The following TMSB15B variants were observed in gnomAD, a reference collection of about 807,000 sequenced individuals.
The protein encoded by TMSB15B is thymosin beta 15B.
intron 1 of TMSB15B, among the ~76,000 whole-genome samples, chrX:103,953,704 A>T (rs1345281525): frequency 8.9e-6 from 1 of 111,818 alleles, no homozygotes; most frequent in African/African-American, 3.3e-5. Flanking sequence ...GTGGGTCCTG[A>T]TCCTATTCTT....
At chrX:103,924,641 G>A (rs2074963097) in intron 1 of TMSB15B, among the ~76,000 whole-genome samples, 1 of 111,713 alleles carries the variant, frequency 9.0e-6, no homozygotes. Flanking sequence ...TTTAGTGGAT[G>A]ATCAATACAT....
At chrX:103,929,026 A>G in intron 1 of TMSB15B, 1 of 1,146,907 alleles carries the variant, frequency 8.7e-7, no homozygotes, top group Admixed American at 2.5e-5. Flanking sequence ...CTAGCTGCAG[A>G]AAGTGTGGCC....
At chrX:103,941,531 T>C (rs2075012822) in intron 1 of TMSB15B, among the ~76,000 whole-genome samples, 1 of 111,956 alleles carries the variant, frequency 8.9e-6, no homozygotes, top group Non-Finnish European at 1.9e-5. Context: ...TTTTTTTGTC[T>C]TTTTGATAAT....
intron 1 of TMSB15B, among the ~76,000 whole-genome samples, chrX:103,951,143 A>G (rs782755155): frequency 8.9e-6 from 1 of 111,858 alleles, no homozygotes; most frequent in East Asian, 2.8e-4. Context: ...TAAAGGCACC[A>G]GTAGTATTGG....
At chrX:103,939,560 C>A (rs1479249176) in intron 1 of TMSB15B, among the ~76,000 whole-genome samples, 6 of 110,747 alleles carry the variant, frequency 5.4e-5, no homozygotes, top group Admixed American at 4.9e-4. Flanking sequence ...ATTCCTCAAC[C>A]TTTTATCAAG....
intron 1 of TMSB15B, among the ~76,000 whole-genome samples, chrX:103,950,631 T>A (rs1430004327): frequency 1.4e-4 from 15 of 109,817 alleles, no homozygotes; most frequent in East Asian, 5.6e-4. Context: ...TATATATATA[T>A]AAAACAATTT....
chrX:103,947,214 C>T (rs1222601186), intron 1 of TMSB15B, among the ~76,000 whole-genome samples: 4 of 111,507 alleles, frequency 3.6e-5, no homozygotes, highest in Non-Finnish European at 5.6e-5. Flanking sequence ...TACAAATTCA[C>T]GACAACATGG....
At chrX:103,927,307 C>T (rs1369301704) in intron 1 of TMSB15B, among the ~76,000 whole-genome samples, 1 of 112,231 alleles carries the variant, frequency 8.9e-6, no homozygotes, top group African/African-American at 3.2e-5. Flanking sequence ...CTCTGAATAT[C>T]CTCCAATGCA....
intron 1 of TMSB15B, among the ~76,000 whole-genome samples, chrX:103,949,032 A>AT (rs1430637683): frequency 9.0e-6 from 1 of 111,271 alleles, no homozygotes; most frequent in Non-Finnish European, 1.9e-5. Context: ...GAGCCTTGAA[A>AT]ATGTGAGAGA....
intron 1 of TMSB15B, chrX:103,928,837 A>G (rs1379290681): frequency 1.7e-6 from 2 of 1,200,937 alleles, no homozygotes; most frequent in Non-Finnish European, 2.3e-6. Flanking sequence ...ATGGCAGAAC[A>G]TGCCAAGCCT....
intron 1 of TMSB15B, among the ~76,000 whole-genome samples, chrX:103,945,743 C>T (rs782245199): frequency 1.8e-5 from 2 of 111,799 alleles, no homozygotes; most frequent in East Asian, 5.6e-4. Context: ...CAAGAGAAGC[C>T]AACATTCTAT....
Position 103,929,627 on chromosome X carries a change from G to A in TMSB15B, c.-721+10335G>A, listed in dbSNP as rs182860777. Among the ~76,000 whole-genome samples, 398 of 111,751 alleles carry A rather than the reference G, an allele frequency of 3.6e-3. 1 individual carries two copies. The highest frequency in any genetic ancestry group is 0.012 in the African/African-American group (359 of 30,779). ...ACAAGAACTAGTGGGGCTGGAGATG[G>A]GAATGGGAAGAAGTGTGACCCATGG... On this transcript the variant is annotated intron_variant, in intron 1 of 3. Transcript: ENST00000419165.
At chrX:103,944,870 C>A (rs1304717072) in intron 1 of TMSB15B, among the ~76,000 whole-genome samples, 1 of 112,074 alleles carries the variant, frequency 8.9e-6, no homozygotes, top group Non-Finnish European at 1.9e-5. Flanking sequence ...CTCACCTCCC[C>A]TGGGTTCAAG....
At chrX:103,933,613 T>C (rs1181416523) in intron 1 of TMSB15B, among the ~76,000 whole-genome samples, 1 of 111,746 alleles carries the variant, frequency 8.9e-6, no homozygotes, top group Non-Finnish European at 1.9e-5. Context: ...TAACCAACAG[T>C]TTTGTTTTAC....
chrX:103,955,793 C>A (rs1344912598), intron 1 of TMSB15B, among the ~76,000 whole-genome samples: 3 of 111,161 alleles, frequency 2.7e-5, no homozygotes, highest in African/African-American at 9.8e-5. Context: ...AAGTGCAGAC[C>A]ACCCCAGTAA....
At chrX:103,951,405 G>A (rs1556328268) in intron 1 of TMSB15B, among the ~76,000 whole-genome samples, 1 of 111,994 alleles carries the variant, frequency 8.9e-6, no homozygotes, top group East Asian at 2.8e-4. Flanking sequence ...GGAAGCAGTG[G>A]AAGAATTAGT....
At chrX:103,946,210 T>C (rs1556327371) in intron 1 of TMSB15B, among the ~76,000 whole-genome samples, 1 of 112,189 alleles carries the variant, frequency 8.9e-6, no homozygotes, top group Non-Finnish European at 1.9e-5. Context: ...GGACCAATGA[T>C]GGATGGCTGC....
At chrX:103,953,333 C>T (rs1556328626) in intron 1 of TMSB15B, among the ~76,000 whole-genome samples, 1 of 111,941 alleles carries the variant, frequency 8.9e-6, no homozygotes, top group African/African-American at 3.2e-5. Flanking sequence ...CTCTGGCTAT[C>T]CGGGCATCCT....
intron 1 of TMSB15B, among the ~76,000 whole-genome samples, chrX:103,941,672 G>T (rs1308748698): frequency 1.8e-5 from 2 of 111,905 alleles, no homozygotes; most frequent in African/African-American, 6.5e-5. Context: ...CTGGTTTATG[G>T]AATATGAGCA....
Sources: allele counts gnomAD v4.1 joint callset (sites outside exome capture counted in the v4.1 genomes callset), GRCh38; gene constraint gnomAD v4.1.1; transcripts MANE v1.5; gene names NCBI Gene and HGNC (gene_info 2026-07-23, HGNC 2026-07-21).